The following IL22RA1 variants were observed in gnomAD, a reference collection of about 807,000 sequenced individuals.
IL22RA1 encodes interleukin 22 receptor subunit alpha 1, also known as interleukin-22 receptor subunit alpha-1.
Under a neutral mutation model 32.8 loss-of-function variants are expected in IL22RA1, and 25 were observed. That is an observed-to-expected ratio of 0.76 (90% CI 0.55 to 1.06). IL22RA1 has a LOEUF of 1.06. Among genes scored for constraint, IL22RA1 ranks in the 50% least tolerant of loss-of-function variants. The pLI is 0.00. For missense variants in IL22RA1, 709 were observed against 727.4 expected, an observed-to-expected ratio of 0.97 and a Z score of 0.29; for synonymous variants, 305 against 305.0, an observed-to-expected ratio of 1.00 and a Z score of 0.00.
Position 24,120,949 on chromosome 1 carries a change from T to C in IL22RA1, c.1581A>G (p.Pro527=). Residue 527 remains proline, a synonymous_variant, in exon 7 of 7, where the codon CCA becomes CCG. Coordinates refer to ENST00000270800, the MANE Select transcript of IL22RA1 (RefSeq NM_021258.4). ...SRPCSPSDQG[P]SPWGLLESLV... ...GGGACTCCAGCAGGCCCCAGGGACT[T>C]GGACCTTGGTCCGAGGGGGAACATG... The C allele has an allele frequency of 6.2e-7, 1 of 1,614,208 alleles. No homozygotes were observed. The highest frequency in any genetic ancestry group is 8.5e-7 in the Non-Finnish European group (1 of 1,180,020).
At chr1:24,128,054 A>C (rs1644177039) in intron 5 of IL22RA1, 87 bp downstream of exon 5, 3 of 1,347,390 alleles carry the variant, frequency 2.2e-6, no homozygotes, top group African/African-American at 1.5e-5. Flanking sequence ...AGTGTTGCCA[A>C]GTCTCACCTT....
rs1421718853 is a variant in IL22RA1 at position 24,121,470 on chromosome 1, T to C, written c.1060A>G (p.Asn354Asp). The change falls in exon 7 of 7, where the codon AAC becomes GAC. Residue 354 changes from asparagine (N) to aspartate (D), a missense_variant. Transcript: ENST00000270800. Reference protein sequence around the residue: ...QILSPLSYAPNAAPEVGPPSY... With the variant: ...QILSPLSYAPDAAPEVGPPSY... ...GGGGGCCCGACCTCAGGGGCAGCGTTTGGGGCATAGGACAGTGGGGAGAGG... is the reference window on the plus strand; with the variant it reads ...GGGGGCCCGACCTCAGGGGCAGCGTCTGGGGCATAGGACAGTGGGGAGAGG... 13 of 1,549,298 alleles carry C rather than the reference T, an allele frequency of 8.4e-6. No homozygotes were observed. Among genetic ancestry groups the C allele is most frequent in the Non-Finnish European group, 1.1e-5 (13 of 1,145,564 alleles).
chr1:24,121,494 G>A lies in IL22RA1; in HGVS notation c.1036C>T (p.Leu346Phe). The A allele has an allele frequency of 6.4e-7, 1 of 1,570,720 alleles. No homozygotes were observed. The highest frequency in any genetic ancestry group is 8.7e-7 in the Non-Finnish European group (1 of 1,154,384). Residue 346 changes from leucine (L) to phenylalanine (F), a missense_variant, in exon 7 of 7, where the codon CTC becomes TTC. Coordinates refer to ENST00000270800, the MANE Select transcript of IL22RA1 (RefSeq NM_021258.4). ...QPSNVPPPQILSPLSYAPNAA... is the reference protein window; with the variant it reads ...QPSNVPPPQIFSPLSYAPNAA... ...TTTGGGGCATAGGACAGTGGGGAGA[G>A]GATCTGGGGAGGTGGCACGTTGGAG... is the stretch of plus-strand genomic sequence containing the variant.
At chr1:24,140,665 A>T (rs1412238301) in intron 1 of IL22RA1, among the ~76,000 whole-genome samples, 2 of 152,182 alleles carry the variant, frequency 1.3e-5, no homozygotes, top group African/African-American at 4.8e-5. Flanking sequence ...CTGTAAACAA[A>T]GAGTCCTTAA....
At chr1:24,141,539 C>A (rs1644281462) in intron 1 of IL22RA1, among the ~76,000 whole-genome samples, 1 of 152,098 alleles carries the variant, frequency 6.6e-6, no homozygotes, top group South Asian at 2.1e-4. Flanking sequence ...GGCAAAGGAC[C>A]CTGGGCTACG....
At chr1:24,132,886 G>A (rs1348458465) in intron 4 of IL22RA1, among the ~76,000 whole-genome samples, 1 of 151,308 alleles carries the variant, frequency 6.6e-6, no homozygotes, top group Non-Finnish European at 1.5e-5. Context: ...GATCATGGTG[G>A]GGCAGTATAG....
chr1:24,132,578 C>T (rs1372795451), intron 4 of IL22RA1, among the ~76,000 whole-genome samples: 6 of 151,828 alleles, frequency 4.0e-5, no homozygotes, highest in Admixed American at 6.6e-5. Context: ...GTGATCCGCC[C>T]GCCTCGGCCT....
chr1:24,121,151 T>G lies in IL22RA1; in HGVS notation c.1379A>C (p.Glu460Ala), dbSNP rs1644117434. ...CAGGGGCTGGTGCAATGATTTTGCT[T>G]CTTGGGATTCCTCCATAGCCAAGGA... is the stretch of plus-strand genomic sequence containing the variant. ...VTSLAMEESQ[E>A]AKSLHQPLGI... The change falls in exon 7 of 7, where the codon GAA becomes GCA. Residue 460 changes from glutamate (E) to alanine (A), a missense_variant. Physicochemically the swap from Glu to Ala is moderately radical, Grantham distance 107 (BLOSUM62 -1). Coordinates refer to ENST00000270800, the MANE Select transcript of IL22RA1 (RefSeq NM_021258.4). 1.2e-6 allele frequency: 2 copies of G among 1,614,066 alleles called. No homozygotes were observed. Among genetic ancestry groups the G allele is most frequent in the Admixed American group, 1.7e-5 (1 of 60,004 alleles).
Position 24,121,420 on chromosome 1 carries a change from G to A in IL22RA1, c.1110C>T (p.Pro370=), listed in dbSNP as rs147185249. ...GPPSYAPQVT[P]EAQFPFYAPQ... ...GGGCGTAGAATGGGAATTGAGCTTC[G>A]GGGGTCACCTGAGGTGCATAGGATG... is the stretch of plus-strand genomic sequence containing the variant. Residue 370 remains proline, a synonymous_variant, in exon 7 of 7, where the codon CCC becomes CCT. Coordinates refer to ENST00000270800, the MANE Select transcript of IL22RA1 (RefSeq NM_021258.4). 2.2e-5 allele frequency: 34 copies of A among 1,549,898 alleles called. No individual in the cohort carries two copies. The highest frequency in any genetic ancestry group is 1.5e-4 in the African/African-American group (11 of 73,254).
chr1:24,137,807 G>A (rs1309824532), intron 2 of IL22RA1, among the ~76,000 whole-genome samples: 1 of 152,134 alleles, frequency 6.6e-6, no homozygotes, highest in African/African-American at 2.4e-5. Flanking sequence ...GTGAGCCACT[G>A]TGCCCAGCCT....
chr1:24,127,192 A>G (rs1004386648), intron 5 of IL22RA1, among the ~76,000 whole-genome samples: 1 of 152,082 alleles, frequency 6.6e-6, no homozygotes, highest in African/African-American at 2.4e-5. Flanking sequence ...CTCAAAAACA[A>G]AAAACAATAA....
At chr1:24,142,690 T>C (rs886144784) in intron 1 of IL22RA1, among the ~76,000 whole-genome samples, 11 of 152,222 alleles carry the variant, frequency 7.2e-5, no homozygotes, top group Admixed American at 3.9e-4. Flanking sequence ...GTACAAACTG[T>C]GCCGACACCG....
rs1405557122 is a variant in IL22RA1 at position 24,120,986 on chromosome 1, G to A, written c.1544C>T (p.Pro515Leu). 2 of 1,614,008 alleles carry A rather than the reference G, an allele frequency of 1.2e-6. No individual in the cohort carries two copies. The highest frequency in any genetic ancestry group is 1.3e-5 in the African/African-American group (1 of 74,938). The change falls in exon 7 of 7, where the codon CCT (proline) becomes CTT (leucine). Residue 515 changes from proline to leucine, a missense_variant. Transcript: ENST00000270800. ...CGAGGGGGAACATGGACGGGAAGGAGGTTGCAAAGGGAGGGACATGGGGTG... is the reference window on the plus strand; with the variant it reads ...CGAGGGGGAACATGGACGGGAAGGAAGTTGCAAAGGGAGGGACATGGGGTG... ...EGHPMSLPLQ[P>L]PSRPCSPSDQ...
At position 24,120,850 on chromosome 1, in the gene IL22RA1, A is replaced by G. The variant is rs1214704074; in HGVS notation, c.1680T>C (p.Asp560=). The change falls in exon 7 of 7, where the codon GAT becomes GAC. Residue 560 remains aspartate, a synonymous_variant. Transcript: ENST00000270800. ...TCAGGGCCAGGCCTCTGAAAAGAGAATCCAGTTCTGTGGGCTGCTCCAGGT... is the reference window on the plus strand; with the variant it reads ...TCAGGGCCAGGCCTCTGAAAAGAGAGTCCAGTTCTGTGGGCTGCTCCAGGT... ...TSDLEQPTEL[D]SLFRGLALTV... 6.2e-7 allele frequency: 1 copy of G among 1,613,908 alleles called. No homozygotes were observed. The highest frequency in any genetic ancestry group is 1.7e-5 in the Admixed American group (1 of 59,986).
Position 24,121,587 on chromosome 1 carries a change from C to A in IL22RA1, c.943G>T (p.Ala315Ser). Residue 315 changes from alanine to serine, a missense_variant, in exon 7 of 7, where the codon GCT becomes TCT. Physicochemically the swap from Ala to Ser is moderately conservative, Grantham distance 99. Transcript: ENST00000270800. ...TCGGACAGGCTATGCCGCTGTGGAGCTCCTGCGGGCTCCCTGGGTCCAGAC... is the reference window on the plus strand; with the variant it reads ...TCGGACAGGCTATGCCGCTGTGGAGATCCTGCGGGCTCCCTGGGTCCAGAC... ...RVSGPREPAG[A>S]PQRHSLSEIT... 1 of 1,612,622 alleles carries A rather than the reference C, an allele frequency of 6.2e-7. No homozygotes were observed. The highest frequency in any genetic ancestry group is 8.5e-7 in the Non-Finnish European group (1 of 1,178,996).
Position 24,138,674 on chromosome 1 carries a change from C to G in IL22RA1, c.84G>C (p.Val28=). The change falls in exon 2 of 7, where the codon GTG becomes GTC. Residue 28 remains valine, a synonymous_variant. Transcript: ENST00000270800. ...TTTCAAAGTTGCTGGACTGGAATTT[C>G]ACGTGCTGGAGCAGATCCGAGGGGT... The part of the protein sequence containing the change: ...PEDPSDLLQH[V]KFQSSNFENI... 1.2e-6 allele frequency: 2 copies of G among 1,614,206 alleles called. No individual in the cohort carries two copies. Among genetic ancestry groups the G allele is most frequent in the Non-Finnish European group, 1.7e-6 (2 of 1,180,028 alleles).
Position 24,134,250 on chromosome 1 carries a change from G to C in IL22RA1, c.492C>G (p.Phe164Leu). Reference protein sequence around the residue: ...LTLEDIFHDLFYHLELQVNRT... With the variant: ...LTLEDIFHDLLYHLELQVNRT... ...GGTTGACCTGGAGCTCTAAGTGGTA[G>C]AACAGGTCATGGAAGATGTCTTCCA... The change falls in exon 4 of 7, where the codon TTC (phenylalanine) becomes TTG (leucine). Residue 164 changes from phenylalanine to leucine, a missense_variant. Transcript: ENST00000270800. 6.2e-7 allele frequency: 1 copy of C among 1,612,296 alleles called. No individual in the cohort carries two copies. The highest frequency in any genetic ancestry group is 8.5e-7 in the Non-Finnish European group (1 of 1,179,152).
intron 3 of IL22RA1, among the ~76,000 whole-genome samples, 155 bp downstream of exon 3, chr1:24,136,976 G>A (rs1191566546): frequency 6.6e-6 from 1 of 152,000 alleles, no homozygotes; most frequent in African/African-American, 2.4e-5. Context: ...GGGGTGGGGG[G>A]CTTCCCTAAA....
At chr1:24,131,887 T>C (rs1034141957) in intron 4 of IL22RA1, among the ~76,000 whole-genome samples, 1 of 152,128 alleles carries the variant, frequency 6.6e-6, no homozygotes, top group Admixed American at 6.5e-5. Flanking sequence ...CCTCGATAAA[T>C]TTAAAAGGAC....
Sources: gnomAD v4.1 joint callset for allele counts (sites outside exome capture counted in the v4.1 genomes callset) on GRCh38, gnomAD v4.1.1 for gene constraint, MANE v1.5 for transcripts, NCBI Gene and HGNC (gene_info 2026-07-23, HGNC 2026-07-21) for gene names.